RNF38: variants seen among roughly 807,000 people sequenced by gnomAD.
RNF38 encodes ring finger protein 38.
In RNF38, 15 loss-of-function variants were observed where a neutral mutation model predicts 67.2. That is an observed-to-expected ratio of 0.22 (90% CI 0.15 to 0.34). The LOEUF (loss-of-function observed/expected upper bound fraction) is 0.34, where lower values mean the gene tolerates loss of function less well. RNF38 is among the 10% of genes least tolerant of loss of function. The probability of loss-of-function intolerance (pLI) is 1.00; values close to 1 mark genes in which losing one functional copy is unlikely to be tolerated. For missense variants in RNF38, 524 were observed against 639.9 expected, an observed-to-expected ratio of 0.82 and a Z score of 1.95; for synonymous variants, 220 against 218.8, an observed-to-expected ratio of 1.01 and a Z score of -0.05.
chr9:36,392,909 G>A (rs751566370), intron 1 of RNF38, among the ~76,000 whole-genome samples: 15 of 152,156 alleles, frequency 9.9e-5, no homozygotes, highest in Non-Finnish European at 1.8e-4. Flanking sequence ...AAAATTAGGA[G>A]TAAGAGTTCT....
At chr9:36,485,183 C>CAAAT (rs544931564) in intron 1 of RNF38, among the ~76,000 whole-genome samples, 36 of 152,160 alleles carry the variant, frequency 2.4e-4, no homozygotes, top group African/African-American at 8.0e-4. Flanking sequence ...AACGAACAAA[C>CAAAT]AAATAAATAA....
intron 1 of RNF38, among the ~76,000 whole-genome samples, chr9:36,397,691 A>G (rs1421119807): frequency 6.6e-6 from 1 of 152,224 alleles, no homozygotes; most frequent in Non-Finnish European, 1.5e-5. Context: ...GGAAAAGAAA[A>G]CAGATGCAAC....
intron 1 of RNF38, among the ~76,000 whole-genome samples, chr9:36,481,570 T>C (rs1840271199): frequency 6.6e-6 from 1 of 152,130 alleles, no homozygotes; most frequent in African/African-American, 2.4e-5. Context: ...TATAATTTCT[T>C]TCAAAAAATT....
chr9:36,480,258 C>T (rs185091572), intron 1 of RNF38, among the ~76,000 whole-genome samples: 33 of 152,222 alleles, frequency 2.2e-4, no homozygotes, highest in Middle Eastern at 3.4e-3. Context: ...AGATTACAGA[C>T]GTGAGCCACT....
chr9:36,349,314 C>G (rs1012847730), intron 9 of RNF38, among the ~76,000 whole-genome samples: 1 of 152,196 alleles, frequency 6.6e-6, no homozygotes, highest in Non-Finnish European at 1.5e-5. Context: ...TTTTTGAAAA[C>G]AGCCATCCTA....
At chr9:36,450,929 G>C (rs1839422030) in intron 1 of RNF38, among the ~76,000 whole-genome samples, 1 of 152,128 alleles carries the variant, frequency 6.6e-6, no homozygotes, top group South Asian at 2.1e-4. Flanking sequence ...TCACAAAAGT[G>C]AGATAACCAG....
intron 2 of RNF38, among the ~76,000 whole-genome samples, chr9:36,383,135 A>G (rs1005952151): frequency 3.3e-5 from 5 of 152,318 alleles, no homozygotes; most frequent in South Asian, 2.1e-4. Flanking sequence ...GACTTCTAAC[A>G]TTACCTCATT....
At chr9:36,391,907 C>T (rs1353635743) in intron 1 of RNF38, among the ~76,000 whole-genome samples, 1 of 152,102 alleles carries the variant, frequency 6.6e-6, no homozygotes, top group Non-Finnish European at 1.5e-5. Flanking sequence ...GCCACTGCGC[C>T]CGGCCCGTTT....
chr9:36,476,672 C>T (rs988141417), intron 1 of RNF38, among the ~76,000 whole-genome samples: 1 of 151,814 alleles, frequency 6.6e-6, no homozygotes, highest in Non-Finnish European at 1.5e-5. Context: ...TACAGGCGCC[C>T]ACCACCATGC....
chr9:36,373,072 T>A (rs1467767425), intron 3 of RNF38, among the ~76,000 whole-genome samples: 1 of 152,130 alleles, frequency 6.6e-6, no homozygotes, highest in African/African-American at 2.4e-5. Flanking sequence ...CTGGGTGTTG[T>A]GGCAGGCACC....
chr9:36,454,553 T>C (rs982670870), intron 1 of RNF38, among the ~76,000 whole-genome samples: 1 of 148,502 alleles, frequency 6.7e-6, no homozygotes, highest in South Asian at 2.1e-4. Context: ...TTATGCCTAA[T>C]AAAAATATCA....
At chr9:36,452,888 G>T (rs1254141966) in intron 1 of RNF38, among the ~76,000 whole-genome samples, 1 of 152,050 alleles carries the variant, frequency 6.6e-6, no homozygotes, top group Non-Finnish European at 1.5e-5. Flanking sequence ...ACTAATTTTT[G>T]TTTATTCATC....
In RNF38 at chr9:36,438,527, C is replaced by A. The variant is rs543103470; in HGVS notation, n.242-13844G>T. Among the ~76,000 whole-genome samples the A allele has an allele frequency of 7.9e-5, 12 of 151,918 alleles. No individual in the cohort carries two copies. In the South Asian group the frequency reaches 2.5e-3, roughly 32 times the overall value. ...CCAGGGAAGCCAAAAGATTGGACAA[C>A]CCTGTTCTAAAATATTCAAGATTCC... is the stretch of plus-strand genomic sequence containing the variant. On this transcript the variant is annotated intron_variant and non_coding_transcript_variant, in intron 1 of 3. Coordinates refer to the RNF38 transcript ENST00000488058.
In RNF38 at chr9:36,468,479, A is replaced by ATT. The variant is rs1424390532; in HGVS notation, n.241+18828_241+18829insAA. Among the ~76,000 whole-genome samples, 3 of 152,296 alleles carry ATT rather than the reference A, an allele frequency of 2.0e-5. No individual in the cohort carries two copies. The East Asian group carries it at 5.8e-4, about 29-fold the overall frequency. ...GAGGATGGATCTGGAGAGGTAAAGA[A>ATT]AAGATATCCAGCCCAGATTTCTTTT... On this transcript the variant is annotated intron_variant and non_coding_transcript_variant, in intron 1 of 3. Coordinates refer to the RNF38 transcript ENST00000488058.
chr9:36,401,259 G>C (rs1021883745), upstream of RNF38: 89 of 981,612 alleles, frequency 9.1e-5, no homozygotes, highest in Non-Finnish European at 1.1e-4. Context: ...GACCAGTTCC[G>C]GCAACAGAGC....
chr9:36,397,099 G>A (rs62541845), intron 1 of RNF38, among the ~76,000 whole-genome samples: 8 of 117,052 alleles, frequency 6.8e-5, no homozygotes, highest in African/African-American at 2.8e-4. Context: ...ATATATATAT[G>A]TTTTGTTTTT....
chr9:36,389,834 G>A (rs1836934077), intron 2 of RNF38, among the ~76,000 whole-genome samples: 1 of 152,156 alleles, frequency 6.6e-6, no homozygotes, highest in African/African-American at 2.4e-5. Context: ...AACTTTTGTG[G>A]TAACAGCGAT....
intron 5 of RNF38, 147 bp downstream of exon 5, chr9:36,357,628 A>G (rs1834226046): frequency 2.0e-6 from 1 of 504,758 alleles, no homozygotes; most frequent in African/African-American, 1.9e-5. Flanking sequence ...TTGAAAGTGA[A>G]ACTACAAAGA....
At chr9:36,342,636 T>C (rs1267567152) in intron 10 of RNF38, among the ~76,000 whole-genome samples, 1 of 152,168 alleles carries the variant, frequency 6.6e-6, no homozygotes, top group Non-Finnish European at 1.5e-5. Flanking sequence ...CTAGTTAACA[T>C]CAAGTCAATC....
Sources: allele counts gnomAD v4.1 joint callset (sites outside exome capture counted in the v4.1 genomes callset), GRCh38; gene constraint gnomAD v4.1.1; transcripts MANE v1.5; gene names NCBI Gene and HGNC (gene_info 2026-07-23, HGNC 2026-07-21).